The following CELF2 variants were observed in gnomAD, a reference collection of about 807,000 sequenced individuals.
CELF2 encodes the protein CUG triplet repeat RNA-binding protein 2.
CELF2 carries 8 observed loss-of-function variants against 62.6 expected under a neutral mutation model. That is an observed-to-expected ratio of 0.13 (90% CI 0.07 to 0.23). The LOEUF is 0.23. Among genes scored for constraint, CELF2 ranks in the 10% least tolerant of loss-of-function variants. The pLI is 1.00. For synonymous variants in CELF2, 258 were observed against 250.0 expected (o/e 1.03, Z -0.30); for missense variants, 333 against 671.0 (o/e 0.50, Z 5.56).
the CELF2 span, among the ~76,000 whole-genome samples, chr10:10,568,951 A>G: frequency 6.6e-6 from 1 of 152,172 alleles, no homozygotes; most frequent in Non-Finnish European, 1.5e-5. Flanking sequence ...TAATAAATTT[A>G]TGCTTTCAGG....
At chr10:10,727,503 G>A in the CELF2 span, among the ~76,000 whole-genome samples, 4 of 152,110 alleles carry the variant, frequency 2.6e-5, no homozygotes, top group African/African-American at 4.8e-5. Flanking sequence ...AGGGCCGGGC[G>A]CGGTGGCTCA....
chr10:11,203,228 G>A (rs1464421217), intron 2 of CELF2, among the ~76,000 whole-genome samples: 1 of 152,126 alleles, frequency 6.6e-6, no homozygotes. Flanking sequence ...CCCAGTGGCT[G>A]CTAATCAGTG....
chr10:11,182,461 C>T (rs1381570914), intron 2 of CELF2, among the ~76,000 whole-genome samples: 1 of 152,160 alleles, frequency 6.6e-6, no homozygotes, highest in African/African-American at 2.4e-5. Context: ...ATACTTTGCC[C>T]CTAGTTGTGA....
At chr10:10,712,427 G>A in the CELF2 span, among the ~76,000 whole-genome samples, 11 of 152,152 alleles carry the variant, frequency 7.2e-5, no homozygotes, top group South Asian at 6.2e-4. Flanking sequence ...CTACATCACC[G>A]GTTGTAGGCC....
the CELF2 span, among the ~76,000 whole-genome samples, chr10:10,713,560 C>A: frequency 6.6e-6 from 1 of 152,194 alleles, no homozygotes; most frequent in Non-Finnish European, 1.5e-5. Context: ...CACCTACGAC[C>A]CTTCGGTGAT....
Position 11,217,899 on chromosome 10 carries a change from T to C in CELF2, c.354+392T>C, listed in dbSNP as rs1341241134. On this transcript the variant is annotated intron_variant, in intron 3 of 12. Coordinates refer to ENST00000633077, the MANE Select transcript of CELF2 (RefSeq NM_001326342.2). This position sits in a 1 kb window ranked among gnomAD's most constrained non-coding sequence, Gnocchi z 5.6. The stretch of plus-strand genomic sequence containing the variant: ...CTTTTCAAATTTTGTCTTTAGATTT[T>C]CTTTTGAAAGGACAAAATGTACCCT... 6.6e-6 allele frequency among the ~76,000 whole-genome samples: 1 copy of C among 152,254 alleles called. No homozygotes were observed. The highest frequency in any genetic ancestry group is 1.9e-4 in the East Asian group (1 of 5,206).
the CELF2 span, among the ~76,000 whole-genome samples, chr10:10,546,410 G>A: frequency 2.0e-5 from 3 of 152,306 alleles, no homozygotes; most frequent in East Asian, 5.8e-4. Flanking sequence ...ACTGGAACTA[G>A]TTAGTGCAGG....
chr10:10,888,234 G>C (rs1410345176), intron 1 of CELF2, among the ~76,000 whole-genome samples: 3 of 152,184 alleles, frequency 2.0e-5, no homozygotes, highest in Admixed American at 6.5e-5. Context: ...GGTTAGATGG[G>C]AGCAGAAAGA....
At chr10:11,276,090 T>G (rs2085984457) in intron 8 of CELF2, among the ~76,000 whole-genome samples, 1 of 152,238 alleles carries the variant, frequency 6.6e-6, no homozygotes, top group Non-Finnish European at 1.5e-5. Flanking sequence ...GAAAACTCCT[T>G]TTTTTCTACC....
At chr10:11,058,062 C>G (rs2065742400) in intron 1 of CELF2, among the ~76,000 whole-genome samples, 1 of 140,242 alleles carries the variant, frequency 7.1e-6, no homozygotes, top group Non-Finnish European at 1.5e-5. Context: ...AATAGATTAT[C>G]TGAAGAGGAA....
intron 2 of CELF2, among the ~76,000 whole-genome samples, chr10:11,192,022 G>A (rs1385213951): frequency 1.3e-5 from 2 of 152,126 alleles, no homozygotes; most frequent in Admixed American, 1.3e-4. Flanking sequence ...TAGTATTGAG[G>A]AAGTGTCACC....
chr10:10,629,861 CAAAAAAAAAAAAAAAGAAAA>C, the CELF2 span, among the ~76,000 whole-genome samples: 3 of 12,342 alleles, frequency 2.4e-4, no homozygotes, highest in Admixed American at 3.8e-3. Context: ...GGCTGAAGAC[CAAAAAAAAAAAAAAAGAAAA>C]AAAAAAAAAA....
At chr10:10,750,590 A>G in the CELF2 span, among the ~76,000 whole-genome samples, 1 of 152,282 alleles carries the variant, frequency 6.6e-6, no homozygotes, top group South Asian at 2.1e-4. Context: ...TTTCCCTGTC[A>G]GATGCTCTGA....
At chr10:10,661,867 A>G in the CELF2 span, among the ~76,000 whole-genome samples, 1 of 152,166 alleles carries the variant, frequency 6.6e-6, no homozygotes, top group African/African-American at 2.4e-5. Flanking sequence ...CCTTATTCTC[A>G]TCCCACAGAA....
Position 11,332,333 on chromosome 10 carries a change from A to T in CELF2, c.*3280A>T, listed in dbSNP as rs2096042566. The T allele has an allele frequency of 6.6e-6, 1 of 152,240 alleles. No individual in the cohort carries two copies. Among genetic ancestry groups the T allele is most frequent in the Admixed American group, 6.5e-5 (1 of 15,290 alleles). 9.4% of individuals were successfully genotyped at this position (152,240 alleles called of 1,614,324 possible). ...CTAAATACTCCTAAATAATATTTCTAATCAGCCATTATGCTGGGGCATCTC... is the reference window on the plus strand; with the variant it reads ...CTAAATACTCCTAAATAATATTTCTTATCAGCCATTATGCTGGGGCATCTC... On this transcript the variant is annotated 3_prime_UTR_variant, in exon 13 of 13. Transcript: ENST00000633077.
the CELF2 span, among the ~76,000 whole-genome samples, chr10:10,759,557 C>A: frequency 6.6e-6 from 1 of 151,762 alleles, no homozygotes. Context: ...TGATCACCCG[C>A]CTCGGCCTCG....
At chr10:10,525,092 A>G in the CELF2 span, among the ~76,000 whole-genome samples, 2 of 152,312 alleles carry the variant, frequency 1.3e-5, no homozygotes, top group African/African-American at 4.8e-5. Flanking sequence ...GATTAAATCA[A>G]TCTAATTGGC....
the CELF2 span, among the ~76,000 whole-genome samples, chr10:10,629,061 T>A: frequency 6.6e-6 from 1 of 152,176 alleles, no homozygotes; most frequent in Non-Finnish European, 1.5e-5. Context: ...CCCTAGAGAG[T>A]TCATTCATGT....
chr10:10,472,349 C>T, the CELF2 span, among the ~76,000 whole-genome samples: 1 of 151,770 alleles, frequency 6.6e-6, no homozygotes, highest in African/African-American at 2.4e-5. Context: ...ATACTTTACT[C>T]TGCCATCTCC....
Sources: gnomAD v4.1 joint callset for allele counts (sites outside exome capture counted in the v4.1 genomes callset) on GRCh38, gnomAD v4.1.1 for gene constraint, Gnocchi (gnomAD v3.1) non-coding constraint, MANE v1.5 for transcripts, NCBI Gene and HGNC (gene_info 2026-07-23, HGNC 2026-07-21) for gene names.